MSH4: variants seen among roughly 807,000 people sequenced by gnomAD.
The protein encoded by MSH4 is mutS protein homolog 4.
Under a neutral mutation model 113.7 loss-of-function variants are expected in MSH4, and 106 were observed. That is an observed-to-expected ratio of 0.93 (90% confidence interval 0.80 to 1.10). The LOEUF is 1.10. Among genes scored for constraint, MSH4 ranks in the 50% least tolerant of loss-of-function variants. The pLI is 0.00. For missense variants in MSH4, 1,061 were observed against 1,093.7 expected (o/e 0.97, Z 0.42); for synonymous variants, 368 against 380.2 (o/e 0.97, Z 0.37).
intron 15 of MSH4, among the ~76,000 whole-genome samples, chr1:75,886,645 TATAA>T (rs1166881842): frequency 7.5e-6 from 1 of 132,622 alleles, no homozygotes; most frequent in Non-Finnish European, 1.5e-5. Context: ...TATAATTATG[TATAA>T]ATATAGAAAT....
At chr1:75,844,686 A>C (rs1651038806) in intron 7 of MSH4, among the ~76,000 whole-genome samples, 1 of 152,220 alleles carries the variant, frequency 6.6e-6, no homozygotes, top group Non-Finnish European at 1.5e-5. Context: ...ATAGTTTACA[A>C]TTTTCTATAA....
intron 14 of MSH4, 66 bp from the exon 15 acceptor site, chr1:75,883,555 C>T: frequency 1.6e-6 from 2 of 1,266,800 alleles, no homozygotes; most frequent in Admixed American, 2.1e-5. Context: ...ACAATACATA[C>T]ACACTACAAA....
chr1:75,809,391 A>G (rs1650137518), intron 3 of MSH4, among the ~76,000 whole-genome samples: 1 of 152,124 alleles, frequency 6.6e-6, no homozygotes, highest in South Asian at 2.1e-4. Context: ...TTGCATACTA[A>G]CTTCATCTGT....
chr1:75,867,598 G>C lies in MSH4; in HGVS notation c.1305+10G>C. 6.6e-7 allele frequency: 1 copy of C among 1,510,470 alleles called. No individual in the cohort carries two copies. The highest frequency in any genetic ancestry group is 9.1e-7 in the Non-Finnish European group (1 of 1,102,256). 93.6% of individuals were successfully genotyped at this position (1,510,470 alleles called of 1,614,324 possible). On this transcript the variant is annotated intron_variant, in intron 9 of 19. Transcript: ENST00000263187. ...TGTGGATCCTTTAAAGGTAATTTAT[G>C]TGTGTGTATCGTACAAAACATGTCC...
chr1:75,906,696 A>G (rs529074804), intron 19 of MSH4, among the ~76,000 whole-genome samples: 2 of 146,638 alleles, frequency 1.4e-5, no homozygotes, highest in African/African-American at 5.1e-5. Context: ...GTAACAAACA[A>G]TGGAAAAACT....
intron 1 of MSH4, among the ~76,000 whole-genome samples, chr1:75,800,614 C>G (rs2100499378): frequency 7.0e-6 from 1 of 142,240 alleles, no homozygotes; most frequent in Non-Finnish European, 1.5e-5. Flanking sequence ...TTCTAGCACT[C>G]AGTCACTGAG....
chr1:75,847,079 A>G (rs1651091283), intron 7 of MSH4, among the ~76,000 whole-genome samples: 1 of 152,200 alleles, frequency 6.6e-6, no homozygotes, highest in Admixed American at 6.6e-5. Context: ...GCATGCATGC[A>G]TATGAGAGGA....
chr1:75,862,434 C>T (rs1446136782), intron 8 of MSH4, among the ~76,000 whole-genome samples: 1 of 152,166 alleles, frequency 6.6e-6, no homozygotes, highest in African/African-American at 2.4e-5. Flanking sequence ...GTCCACTTCC[C>T]ATCCTTTAAA....
At chr1:75,825,877 T>C (rs952613642) in intron 7 of MSH4, among the ~76,000 whole-genome samples, 2 of 152,214 alleles carry the variant, frequency 1.3e-5, no homozygotes, top group Admixed American at 1.3e-4. Context: ...AGTATTTTAC[T>C]GAGGATTTTC....
At chr1:75,829,896 A>C (rs925733846) in intron 7 of MSH4, among the ~76,000 whole-genome samples, 1 of 152,190 alleles carries the variant, frequency 6.6e-6, no homozygotes, top group Admixed American at 6.5e-5. Flanking sequence ...CTCCAAAGGA[A>C]CGCAGCTCCT....
At chr1:75,853,160 G>A (rs1651226932) in intron 8 of MSH4, among the ~76,000 whole-genome samples, 1 of 152,028 alleles carries the variant, frequency 6.6e-6, no homozygotes, top group East Asian at 1.9e-4. Flanking sequence ...CACCTCCCAG[G>A]TTCAAGTGAT....
In MSH4 at chr1:75,814,986, T is replaced by C. The variant is rs748027362; in HGVS notation, c.700-35T>C. On this transcript the variant is annotated intron_variant, in intron 4 of 19. Transcript: ENST00000263187. ...CAGTTTTGGGCAAGCGCATGGCACTTCAAACTTTATTTTGAAATTAAAACT... is the reference window on the plus strand; with the variant it reads ...CAGTTTTGGGCAAGCGCATGGCACTCCAAACTTTATTTTGAAATTAAAACT... 5.8e-6 allele frequency: 8 copies of C among 1,375,234 alleles called. No homozygotes were observed. In the Admixed American group the frequency reaches 1.2e-4, roughly 21 times the overall value. The allele number at this position is 1,375,234 out of a possible 1,614,324, so 85.2% of individuals were successfully genotyped here.
chr1:75,882,682 A>G (rs1651961080), intron 14 of MSH4, among the ~76,000 whole-genome samples: 1 of 150,916 alleles, frequency 6.6e-6, no homozygotes, highest in Admixed American at 6.6e-5. Context: ...AAAAAAAAAA[A>G]AAAAAAATCG....
chr1:75,799,106 A>G (rs1032585863), intron 1 of MSH4, among the ~76,000 whole-genome samples: 62 of 152,154 alleles, frequency 4.1e-4, no homozygotes, highest in African/African-American at 1.5e-3. Flanking sequence ...AATTCCTTTA[A>G]AGCAACATGA....
intron 6 of MSH4, among the ~76,000 whole-genome samples, chr1:75,820,830 G>A (rs541214327): frequency 1.3e-5 from 2 of 151,944 alleles, no homozygotes; most frequent in Admixed American, 6.6e-5. Flanking sequence ...AATGGTAAAG[G>A]GATCAATTCA....
intron 19 of MSH4, among the ~76,000 whole-genome samples, chr1:75,902,689 A>G (rs867874973): frequency 0.062 from 680 of 11,026 alleles, 29 homozygotes; most frequent in African/African-American, 0.18. Flanking sequence ...ATATATATAT[A>G]TATATATATA....
At chr1:75,827,461 T>C (rs1470286417) in intron 7 of MSH4, among the ~76,000 whole-genome samples, 2 of 152,164 alleles carry the variant, frequency 1.3e-5, no homozygotes, top group Non-Finnish European at 2.9e-5. Context: ...AGCATCATGA[T>C]GATAGGATCA....
intron 15 of MSH4, among the ~76,000 whole-genome samples, chr1:75,887,914 C>A (rs1443912349): frequency 6.6e-6 from 1 of 151,656 alleles, no homozygotes; most frequent in African/African-American, 2.4e-5. Context: ...TCAGAAGCCA[C>A]TCTAGGTTCA....
chr1:75,861,455 T>C (rs1651453747), intron 8 of MSH4, among the ~76,000 whole-genome samples: 1 of 152,196 alleles, frequency 6.6e-6, no homozygotes, highest in Non-Finnish European at 1.5e-5. Flanking sequence ...TTTGTGTGGA[T>C]GTCCTTTTTG....
Sources: allele counts gnomAD v4.1 joint callset (sites outside exome capture counted in the v4.1 genomes callset), GRCh38; gene constraint gnomAD v4.1.1; transcripts MANE v1.5; gene names NCBI Gene and HGNC (gene_info 2026-07-23, HGNC 2026-07-21).